The following SLIT3 variants were observed in gnomAD, a reference collection of about 807,000 sequenced individuals.
The protein encoded by SLIT3 is slit homolog 3 protein.
SLIT3 carries 68 observed loss-of-function variants against 184.0 expected under a neutral mutation model. That is an observed-to-expected ratio of 0.37 (90% CI 0.30 to 0.45). SLIT3 has a LOEUF of 0.45. Ranked by LOEUF, SLIT3 falls within the 20% of genes least tolerant of loss-of-function variation. The pLI is 1.00. For synonymous variants in SLIT3, 831 were observed against 828.6 expected (o/e 1.00, Z -0.05); for missense variants, 1,707 against 2,026.0 (o/e 0.84, Z 3.02).
At chr5:169,157,457 C>A (rs561246715) in intron 4 of SLIT3, among the ~76,000 whole-genome samples, 1 of 152,266 alleles carries the variant, frequency 6.6e-6, no homozygotes, top group East Asian at 1.9e-4. Context: ...CCCACACCTA[C>A]TTAGCAGTAA....
intron 4 of SLIT3, among the ~76,000 whole-genome samples, chr5:169,188,341 T>C (rs926345635): frequency 6.6e-6 from 1 of 152,216 alleles, no homozygotes; most frequent in African/African-American, 2.4e-5. Flanking sequence ...AGTCAGCCTT[T>C]AAATAACCAG....
chr5:168,979,293 A>G (rs1754871690), intron 4 of SLIT3, among the ~76,000 whole-genome samples: 2 of 152,332 alleles, frequency 1.3e-5, no homozygotes, highest in Non-Finnish European at 2.9e-5. Context: ...CGAAGAGGAC[A>G]AGATGTGCAC....
chr5:169,069,957 G>GAGAGGAA (rs1758484893), intron 4 of SLIT3, among the ~76,000 whole-genome samples: 1 of 152,196 alleles, frequency 6.6e-6, no homozygotes, highest in Non-Finnish European at 1.5e-5. Flanking sequence ...GTTTCAGAAA[G>GAGAGGAA]GTTACTCCAC....
intron 4 of SLIT3, among the ~76,000 whole-genome samples, chr5:169,113,004 T>A (rs1760467120): frequency 6.6e-6 from 1 of 152,172 alleles, no homozygotes; most frequent in Non-Finnish European, 1.5e-5. Context: ...CCCATCTATT[T>A]GTAAAAATTT....
At chr5:169,086,551 A>C (rs1050462017) in intron 4 of SLIT3, among the ~76,000 whole-genome samples, 3 of 152,252 alleles carry the variant, frequency 2.0e-5, no homozygotes, top group Admixed American at 2.0e-4. Context: ...CATTAGAACC[A>C]TTCAGAGATA....
At chr5:169,279,656 T>C (rs767288914) in intron 1 of SLIT3, among the ~76,000 whole-genome samples, 3 of 152,248 alleles carry the variant, frequency 2.0e-5, no homozygotes, top group Non-Finnish European at 4.4e-5. Flanking sequence ...ATACATTTCA[T>C]ATTTTATTCA....
rs376721570 is a variant in SLIT3 at position 169,133,661 on chromosome 5, A to T, written c.413+59818T>A. Among the ~76,000 whole-genome samples, 11 of 152,318 alleles carry T rather than the reference A, an allele frequency of 7.2e-5. No individual in the cohort carries two copies. The East Asian group carries it at 1.3e-3, about 19-fold the overall frequency. The stretch of plus-strand genomic sequence containing the variant: ...AGAATGACATCTGTGTCAACTGTTT[A>T]TTTTGGTGATTGTCTGCAACTTGCA... On this transcript the variant is annotated intron_variant, in intron 4 of 35. Transcript: ENST00000519560.
chr5:168,775,038 A>ATT (rs34335250), intron 12 of SLIT3, among the ~76,000 whole-genome samples: 38,417 of 135,346 alleles, frequency 0.28, 5,664 homozygotes, highest in Middle Eastern at 0.36. Flanking sequence ...CCACCACTGC[A>ATT]TTTTTTTTTT....
At chr5:168,879,780 A>G (rs980995769) in intron 5 of SLIT3, among the ~76,000 whole-genome samples, 3 of 152,116 alleles carry the variant, frequency 2.0e-5, no homozygotes, top group East Asian at 1.9e-4. Flanking sequence ...TTCACACCCA[A>G]TGTGATTACA....
At chr5:168,989,951 G>A (rs1755265479) in intron 4 of SLIT3, among the ~76,000 whole-genome samples, 1 of 152,208 alleles carries the variant, frequency 6.6e-6, no homozygotes, top group Admixed American at 6.5e-5. Flanking sequence ...ATAGTCAAGA[G>A]GTTAAGCTGA....
chr5:169,030,732 A>G (rs1381978722), intron 4 of SLIT3, among the ~76,000 whole-genome samples: 1 of 152,180 alleles, frequency 6.6e-6, no homozygotes, highest in Non-Finnish European at 1.5e-5. Flanking sequence ...TCTTTGTCTT[A>G]TTTTATCCAC....
Position 168,844,632 on chromosome 5 carries a change from C to G in SLIT3, c.509G>C (p.Ser170Thr). 1 of 1,614,208 alleles carries G rather than the reference C, an allele frequency of 6.2e-7. No homozygotes were observed. Residue 170 changes from serine to threonine, a missense_variant, in exon 6 of 36, where the codon AGC becomes ACC. Around this residue, in one of 3 missense-constraint regions of SLIT3, gnomAD observed 1,307 missense variants for 1,511.6 expected, o/e 0.86. Coordinates refer to ENST00000519560, the MANE Select transcript of SLIT3 (RefSeq NM_003062.4). ...TCGGAAGGCTCCATCTTCAATGCAG[C>G]TGATGTGGTTGTTGTCCAGTTGCCT... ...KNLQLDNNHI[S>T]CIEDGAFRAL...
At chr5:168,974,301 A>G (rs1359325403) in intron 4 of SLIT3, among the ~76,000 whole-genome samples, 1 of 152,192 alleles carries the variant, frequency 6.6e-6, no homozygotes, top group Non-Finnish European at 1.5e-5. Flanking sequence ...AAACTCAACT[A>G]TATTGCTCAG....
intron 4 of SLIT3, among the ~76,000 whole-genome samples, chr5:168,908,571 T>TGTTC (rs1468961851): frequency 6.6e-6 from 1 of 152,180 alleles, no homozygotes; most frequent in Non-Finnish European, 1.5e-5. Flanking sequence ...CTGGATTGAT[T>TGTTC]GTTCCTGAGG....
At chr5:169,125,044 T>C (rs55924119) in intron 4 of SLIT3, among the ~76,000 whole-genome samples, 16,104 of 152,032 alleles carry the variant, frequency 0.11, 1,517 homozygotes, top group East Asian at 0.39. Flanking sequence ...TGTTTTGTTT[T>C]TGTTTTTTGT....
chr5:168,804,218 G>A (rs1463130386), intron 9 of SLIT3, among the ~76,000 whole-genome samples: 1 of 147,614 alleles, frequency 6.8e-6, no homozygotes, highest in Non-Finnish European at 1.5e-5. Context: ...GCTGAGGCAG[G>A]AGAATCGCTT....
chr5:168,872,093 C>T (rs770126022), intron 5 of SLIT3, among the ~76,000 whole-genome samples: 5 of 152,206 alleles, frequency 3.3e-5, no homozygotes, highest in Non-Finnish European at 7.3e-5. Context: ...GCTCTATGCA[C>T]TTTGACACAT....
chr5:169,199,954 G>T (rs1763861509), intron 3 of SLIT3, among the ~76,000 whole-genome samples: 1 of 152,200 alleles, frequency 6.6e-6, no homozygotes, highest in African/African-American at 2.4e-5. Context: ...GGTAGGAAAG[G>T]CCAGCTAGGG....
rs1581221941 is a variant in SLIT3, at chr5:168,932,253, G to T, written c.414-48917C>A. On this transcript the variant is annotated intron_variant, in intron 4 of 35. Transcript: ENST00000519560. The stretch of plus-strand genomic sequence containing the variant: ...TTCCTGACACAGTTTTTTTGTTGTT[G>T]TTGTGTTTTTTTTTTTTTTTTGGTA... Among the ~76,000 whole-genome samples, 5 of 84,750 alleles carry T rather than the reference G, an allele frequency of 5.9e-5. 1 individual carries two copies. The highest frequency in any genetic ancestry group is 3.4e-4 in the Admixed American group (3 of 8,840). 55.6% of individuals were successfully genotyped at this position (84,750 alleles called of 152,430 possible).
Sources: gnomAD v4.1 joint callset for allele counts (sites outside exome capture counted in the v4.1 genomes callset) on GRCh38, gnomAD v4.1.1 for gene constraint, gnomAD v4.1.1 regional missense constraint, MANE v1.5 for transcripts, NCBI Gene and HGNC (gene_info 2026-07-23, HGNC 2026-07-21) for gene names.